The following B4GALNT3 variants were observed in gnomAD, a reference collection of about 807,000 sequenced individuals.
The protein encoded by B4GALNT3 is beta-1,4-N-acetylgalactosaminyltransferase 3.
In B4GALNT3, 86 loss-of-function variants were observed where a neutral mutation model predicts 120.2. The ratio of observed to expected loss-of-function variants is 0.72; its 90% CI spans 0.60 to 0.86. The LOEUF (loss-of-function observed/expected upper bound fraction) is 0.86. B4GALNT3 is among the 40% of genes least tolerant of loss of function. The probability of loss-of-function intolerance (pLI) is 0.00; values close to 1 mark genes in which losing one functional copy is unlikely to be tolerated. For synonymous variants in B4GALNT3, 518 were observed against 510.4 expected (o/e 1.01, Z -0.20); for missense variants, 1,167 against 1,298.9 (o/e 0.90, Z 1.56).
intron 2 of B4GALNT3, among the ~76,000 whole-genome samples, chr12:535,954 G>A (rs1015187090): frequency 1.3e-5 from 2 of 152,126 alleles, no homozygotes; most frequent in African/African-American, 4.8e-5. Context: ...AGGGAGCCGA[G>A]GTCCCTGCCC....
chr12:541,844 C>CCCCCCA (rs1946920453), intron 3 of B4GALNT3, among the ~76,000 whole-genome samples: 1 of 111,606 alleles, frequency 9.0e-6, no homozygotes. Flanking sequence ...CCCCCTCACC[C>CCCCCCA]CCCCCCACCC....
intron 19 of B4GALNT3, among the ~76,000 whole-genome samples, chr12:561,117 C>T (rs1402789262): frequency 6.6e-6 from 1 of 152,236 alleles, no homozygotes; most frequent in Non-Finnish European, 1.5e-5. Context: ...ATGTGATAAT[C>T]GTCCTCCTAG....
intron 1 of B4GALNT3, among the ~76,000 whole-genome samples, chr12:505,361 C>T (rs1299620575): frequency 2.6e-5 from 4 of 152,244 alleles, no homozygotes; most frequent in African/African-American, 9.6e-5. Context: ...GCCCAGAGAA[C>T]TGACAGCAGC....
chr12:460,696 G>T lies in B4GALNT3; in HGVS notation c.169+151G>T. ...CCGGCGTCGCCCCGCGCGTACTCGG[G>T]GAGAGCTGCGGGCGGGGGAAGCCGC... On this transcript the variant is annotated intron_variant, in intron 1 of 19. Coordinates refer to ENST00000266383, the MANE Select transcript of B4GALNT3 (RefSeq NM_173593.4). The surrounding 1 kb of genome is among the most constrained non-coding windows in gnomAD (Gnocchi z 8.0). 1 of 882,882 alleles carries T rather than the reference G, an allele frequency of 1.1e-6. No individual in the cohort carries two copies. The highest frequency in any genetic ancestry group is 1.5e-6 in the Non-Finnish European group (1 of 664,942). 54.7% of individuals were successfully genotyped at this position (882,882 alleles called of 1,614,324 possible).
chr12:506,099 C>T lies in B4GALNT3; in HGVS notation c.170-29067C>T, dbSNP rs577113751. 5.0e-4 allele frequency among the ~76,000 whole-genome samples: 54 copies of T among 107,856 alleles called. 1 individual carries two copies. The highest frequency in any genetic ancestry group is 1.6e-3 in the African/African-American group (52 of 31,568). The allele number at this position is 107,856 out of a possible 152,430, so 70.8% of individuals were successfully genotyped here. Reference sequence around the variant, plus strand: ...AGGTATGTCCCTGAAACATTCTATGCAGTTCAGATTTTTTTTTTTTAGGAA... The same window carrying T: ...AGGTATGTCCCTGAAACATTCTATGTAGTTCAGATTTTTTTTTTTTAGGAA... On this transcript the variant is annotated intron_variant, in intron 1 of 19. Transcript: ENST00000266383.
At position 561,400 on chromosome 12, in the gene B4GALNT3, T is replaced by C. The variant is rs1191795774; in HGVS notation, c.2946T>C (p.His982=). The C allele has an allele frequency of 2.5e-6, 4 of 1,614,058 alleles. No homozygotes were observed. The highest frequency in any genetic ancestry group is 3.4e-6 in the Non-Finnish European group (4 of 1,180,022). The change falls in exon 20 of 20, where the codon CAT becomes CAC. Residue 982 remains histidine (H), a synonymous_variant. Transcript: ENST00000266383. The part of the protein sequence containing the change: ...ERLSLRNFFH[H]FHSKRGMWSR... ...TCTCCCTCAGGAATTTCTTCCATCA[T>C]TTCCATTCCAAGCGAGGCATGTGGA...
intron 1 of B4GALNT3, among the ~76,000 whole-genome samples, chr12:498,324 A>G (rs1048004648): frequency 1.3e-5 from 2 of 152,144 alleles, no homozygotes; most frequent in African/African-American, 4.8e-5. Context: ...GCCCAAGTCC[A>G]GTTGTCACCC....
chr12:516,112 C>A (rs1267816217), intron 1 of B4GALNT3, among the ~76,000 whole-genome samples: 1 of 150,530 alleles, frequency 6.6e-6, no homozygotes, highest in African/African-American at 2.5e-5. Context: ...TGCCACTGCA[C>A]TCCAGCCTGG....
Position 460,672 on chromosome 12 carries a change from C to A in B4GALNT3, c.169+127C>A. On this transcript the variant is annotated intron_variant, in intron 1 of 19. Transcript: ENST00000266383. This position sits in a 1 kb window ranked among gnomAD's most constrained non-coding sequence, Gnocchi z 8.0. ...CCCACCCATTTCTCCCTCAGGTGCCCGGCGTCGCCCCGCGCGTACTCGGGG... is the reference window on the plus strand; with the variant it reads ...CCCACCCATTTCTCCCTCAGGTGCCAGGCGTCGCCCCGCGCGTACTCGGGG... The A allele has an allele frequency of 1.0e-6, 1 of 985,560 alleles. No individual in the cohort carries two copies. Among genetic ancestry groups the A allele is most frequent in the Non-Finnish European group, 1.3e-6 (1 of 759,306 alleles). 61.1% of individuals were successfully genotyped at this position (985,560 alleles called of 1,614,324 possible).
At chr12:489,627 TAAAA>T (rs1337316003) in intron 1 of B4GALNT3, among the ~76,000 whole-genome samples, 2 of 152,094 alleles carry the variant, frequency 1.3e-5, no homozygotes, top group East Asian at 3.8e-4. Context: ...CTAACACTAA[TAAAA>T]AGAAAGCGGA....
At chr12:473,059 C>A (rs1330295081) in intron 1 of B4GALNT3, among the ~76,000 whole-genome samples, 1 of 151,624 alleles carries the variant, frequency 6.6e-6, no homozygotes, top group Admixed American at 6.6e-5. Context: ...GCCTCGACTT[C>A]TTCAGCTTAA....
intron 11 of B4GALNT3, among the ~76,000 whole-genome samples, chr12:551,725 T>C (rs939200687): frequency 6.6e-6 from 1 of 151,668 alleles, no homozygotes; most frequent in Non-Finnish European, 1.5e-5. Context: ...GGTTCAGAGG[T>C]TTCAGGAGAG....
At chr12:493,566 CT>C (rs1946363287) in intron 1 of B4GALNT3, among the ~76,000 whole-genome samples, 1 of 149,754 alleles carries the variant, frequency 6.7e-6, no homozygotes, top group South Asian at 2.1e-4. Context: ...GAACTAAGAC[CT>C]TCTGTACAGT....
chr12:543,846 T>C (rs368899121), intron 3 of B4GALNT3, among the ~76,000 whole-genome samples: 156 of 88,222 alleles, frequency 1.8e-3, no homozygotes, highest in Middle Eastern at 9.4e-3. Context: ...GGTGCTCATC[T>C]TCCCGGAGCT....
chr12:560,919 C>T (rs1456387010), intron 19 of B4GALNT3, among the ~76,000 whole-genome samples: 2 of 151,890 alleles, frequency 1.3e-5, no homozygotes. Flanking sequence ...CCCTGCCTTC[C>T]TCCGTCTATG....
intron 1 of B4GALNT3, among the ~76,000 whole-genome samples, chr12:511,629 C>A (rs1946563584): frequency 7.0e-6 from 1 of 143,728 alleles, no homozygotes; most frequent in Non-Finnish European, 1.5e-5. Flanking sequence ...CACCTTCGAC[C>A]TTCCACCTTC....
chr12:553,984 G>A lies in B4GALNT3; in HGVS notation c.2060+1G>A. On this transcript the variant is annotated splice_donor_variant, in intron 14 of 19. Coordinates refer to ENST00000266383, the MANE Select transcript of B4GALNT3 (RefSeq NM_173593.4). LOFTEE classifies it high-confidence loss of function. The stretch of plus-strand genomic sequence containing the variant: ...AGAAGCTCAACCAGAGGAGCCGGGG[G>A]TAAGGTAAAGGGCTCTCCTGGGGCC... 2 of 1,605,982 alleles carry A rather than the reference G, an allele frequency of 1.2e-6. No individual in the cohort carries two copies. Among genetic ancestry groups the A allele is most frequent in the East Asian group, 2.2e-5 (1 of 44,848 alleles).
rs1947089495 is a variant in B4GALNT3 at position 552,059 on chromosome 12, C to T, written c.1108-4C>T. ...ACTCCTGCTGCTGATTTTTCCACTT[C>T]CAGGTTCATCTGTCTTTTGTTTACC... On this transcript the variant is annotated splice_polypyrimidine_tract_variant and splice_region_variant and intron_variant, in intron 11 of 19. Coordinates refer to ENST00000266383, the MANE Select transcript of B4GALNT3 (RefSeq NM_173593.4). 1.3e-6 allele frequency: 2 copies of T among 1,593,550 alleles called. No individual in the cohort carries two copies. The highest frequency in any genetic ancestry group is 1.7e-4 in the Middle Eastern group (1 of 6,028).
intron 1 of B4GALNT3, among the ~76,000 whole-genome samples, chr12:495,521 C>T (rs1206700769): frequency 6.6e-6 from 1 of 152,196 alleles, no homozygotes; most frequent in African/African-American, 2.4e-5. Flanking sequence ...CTCCTATTTT[C>T]AGCACTTGGA....
Sources: gnomAD v4.1 joint callset for allele counts (sites outside exome capture counted in the v4.1 genomes callset) on GRCh38, gnomAD v4.1.1 for gene constraint, Gnocchi (gnomAD v3.1) non-coding constraint, MANE v1.5 for transcripts, NCBI Gene and HGNC (gene_info 2026-07-23, HGNC 2026-07-21) for gene names.